Variants in BUD13 observed in about 807,000 individuals in gnomAD.
BUD13 encodes BUD13 homolog.
Under a neutral mutation model 62.5 loss-of-function variants are expected in BUD13, and 47 were observed. The ratio of observed to expected loss-of-function variants is 0.75; its 90% confidence interval spans 0.60 to 0.96. BUD13 has a LOEUF of 0.96. Among genes scored for constraint, BUD13 ranks in the 40% least tolerant of loss-of-function variants. The pLI is 0.00. For missense variants in BUD13, 821 were observed against 790.9 expected (o/e 1.04, Z -0.46); for synonymous variants, 293 against 280.1 (o/e 1.05, Z -0.46).
At chr11:116,759,211 A>T (rs1167955253) in intron 5 of BUD13, 32 bp from the exon 6 acceptor site, 2 of 1,511,892 alleles carry the variant, frequency 1.3e-6, no homozygotes, top group Admixed American at 3.3e-5. Context: ...ATCCAACATT[A>T]ATGAGATGAT....
chr11:116,761,460 T>G (rs960922156), intron 4 of BUD13, among the ~76,000 whole-genome samples: 1 of 152,182 alleles, frequency 6.6e-6, no homozygotes, highest in African/African-American at 2.4e-5. Context: ...TAAACATAAG[T>G]ATGGATGGCA....
chr11:116,759,811 GA>G (rs1278578740), intron 5 of BUD13, among the ~76,000 whole-genome samples: 1 of 152,136 alleles, frequency 6.6e-6, no homozygotes, highest in African/African-American at 2.4e-5. Context: ...TAAAAAAGAA[GA>G]ATCTCACTTC....
intron 9 of BUD13, 91 bp from the exon 10 acceptor site, chr11:116,748,666 G>C: frequency 7.8e-7 from 1 of 1,284,362 alleles, no homozygotes; most frequent in East Asian, 2.3e-5. Context: ...ATAATGAAAA[G>C]GGGGGAAAGT....
At chr11:116,770,052 G>A (rs1269325) in intron 2 of BUD13, 77 bp downstream of exon 2, 505,967 of 1,029,734 alleles carry the variant, frequency 0.49, 124,199 homozygotes, top group African/African-American at 0.59. Flanking sequence ...GCGAGACTCC[G>A]TCTCAAAAAA....
chr11:116,748,477 G>C lies in BUD13; in HGVS notation c.*5C>G. On this transcript the variant is annotated 3_prime_UTR_variant, in exon 10 of 10. Transcript: ENST00000260210. Reference sequence around the variant, plus strand: ...AGCCCAGCCACCCCCACAGCCTCAGGAAAGTTACATATCCTCAACACTCCA... The same window carrying C: ...AGCCCAGCCACCCCCACAGCCTCAGCAAAGTTACATATCCTCAACACTCCA... The C allele has an allele frequency of 6.2e-7, 1 of 1,614,096 alleles. No individual in the cohort carries two copies. Among genetic ancestry groups the C allele is most frequent in the South Asian group, 1.1e-5 (1 of 91,082 alleles).
In BUD13 at chr11:116,763,194, C is replaced by G. The variant is rs199861463; in HGVS notation, c.395G>C (p.Arg132Pro). The G allele has an allele frequency of 1.3e-5, 20 of 1,591,540 alleles. No homozygotes were observed. The highest frequency in any genetic ancestry group is 1.7e-5 in the Admixed American group (1 of 57,706). The change falls in exon 4 of 10, where the codon CGT (arginine) becomes CCT (proline). Residue 132 changes from arginine to proline, a missense_variant. Arg to Pro is a moderately radical substitution (Grantham distance 103). This residue lies in a region of BUD13 where 800 missense variants were observed against 739.2 expected (regional missense o/e 1.08). Transcript: ENST00000260210. ...AGGAGATGGATCTGGGGTACCATGA[C>G]GGACCCTCCTAGGAGATGAATCCGG... ...DTPDSSPRRV[R>P]HGTPDPSPRK...
chr11:116,759,039 A>T, intron 6 of BUD13, 35 bp downstream of exon 6: 9 of 1,399,706 alleles, frequency 6.4e-6, no homozygotes, highest in Admixed American at 3.7e-5. Flanking sequence ...AAACAGTATG[A>T]GCCTAAATTG....
Position 116,763,098 on chromosome 11 carries a change from G to A in BUD13, c.491C>T (p.Pro164Leu). ...RARHDTPDPS[P>L]LRGARHDSDT... ...TGAGTCATGACGAGCCCCTCTGAGG[G>A]GAGAAGGATCCGGGGTGTCATGACG... Residue 164 changes from proline (P) to leucine (L), a missense_variant, in exon 4 of 10, where the codon CCC becomes CTC. By Grantham distance (98) the Pro-to-Leu change is moderately conservative. Coordinates refer to ENST00000260210, the MANE Select transcript of BUD13 (RefSeq NM_032725.4). The A allele has an allele frequency of 6.3e-7, 1 of 1,581,960 alleles. No individual in the cohort carries two copies. Among genetic ancestry groups the A allele is most frequent in the Non-Finnish European group, 8.6e-7 (1 of 1,157,544 alleles).
chr11:116,770,056 CAAAAAAA>C, intron 2 of BUD13, 66 bp downstream of exon 2: 2 of 853,180 alleles, frequency 2.3e-6, no homozygotes, highest in Non-Finnish European at 3.3e-6. Flanking sequence ...GACTCCGTCT[CAAAAAAA>C]AAAAAAAAAA....
chr11:116,750,462 C>T (rs540741830), intron 9 of BUD13, among the ~76,000 whole-genome samples: 7 of 152,304 alleles, frequency 4.6e-5, no homozygotes, highest in South Asian at 2.1e-4. Context: ...CACTACACAA[C>T]GGAACTAGCC....
In BUD13 at chr11:116,766,778, T is replaced by C. The variant is rs1037671981; in HGVS notation, c.238-1332A>G. Among the ~76,000 whole-genome samples the C allele has an allele frequency of 3.3e-5, 5 of 152,226 alleles. No homozygotes were observed. In the East Asian group the frequency reaches 7.7e-4, roughly 23 times the overall value. ...TTATTACTGGTGGTGGTGGTGATCT[T>C]GCAGTTACAAAAATGAATTCAGTAA... is the stretch of plus-strand genomic sequence containing the variant. On this transcript the variant is annotated intron_variant, in intron 2 of 9. Coordinates refer to ENST00000260210, the MANE Select transcript of BUD13 (RefSeq NM_032725.4).
In BUD13 at chr11:116,748,461, AC is replaced by A. The variant is rs750413144; in HGVS notation, c.*20del. The A allele has an allele frequency of 7.6e-5, 123 of 1,611,246 alleles. No homozygotes were observed. Among genetic ancestry groups the A allele is most frequent in the Non-Finnish European group, 1.0e-4 (122 of 1,177,434 alleles). On this transcript the variant is annotated 3_prime_UTR_variant, in exon 10 of 10. Transcript: ENST00000260210. ...CTATGCCCACTACCACAGCCCAGCC[AC>A]CCCCACAGCCTCAGGAAAGTTACAT...
intron 2 of BUD13, among the ~76,000 whole-genome samples, chr11:116,768,389 T>C (rs1438503181): frequency 6.6e-6 from 1 of 152,198 alleles, no homozygotes; most frequent in East Asian, 1.9e-4. Context: ...CTATGTACAA[T>C]ATGATCCCAA....
chr11:116,771,812 A>C (rs1940632492), intron 1 of BUD13, among the ~76,000 whole-genome samples: 2 of 152,240 alleles, frequency 1.3e-5, no homozygotes, highest in Non-Finnish European at 2.9e-5. Context: ...TCAGTGCCTT[A>C]GGGTTACTGT....
Position 116,757,764 on chromosome 11 carries a change from A to G in BUD13, c.1684+2T>C, listed in dbSNP as rs1194212873. 1.2e-6 allele frequency: 2 copies of G among 1,605,428 alleles called. No homozygotes were observed. The highest frequency in any genetic ancestry group is 3.5e-5 in the Admixed American group (2 of 57,954). On this transcript the variant is annotated splice_donor_variant, in intron 8 of 9. Coordinates refer to ENST00000260210, the MANE Select transcript of BUD13 (RefSeq NM_032725.4). LOFTEE classifies it high-confidence loss of function. Reference sequence around the variant, plus strand: ...CCAGCTGATGATTCCCAGAAGTCCCACCTTTTTTATTCTTGTTCTCCTTGG... The same window carrying G: ...CCAGCTGATGATTCCCAGAAGTCCCGCCTTTTTTATTCTTGTTCTCCTTGG...
chr11:116,765,274 T>C lies in BUD13; in HGVS notation c.322+88A>G, dbSNP rs1441420596. On this transcript the variant is annotated intron_variant, in intron 3 of 9. Transcript: ENST00000260210. ...GGATCAATGACATGCTAAAACAAAC[T>C]ATGCATTCCTCTAAAGAAAAGTATA... 3.7e-6 allele frequency: 5 copies of C among 1,359,164 alleles called. No individual in the cohort carries two copies. In the African/African-American group the frequency reaches 7.3e-5, roughly 20 times the overall value. 84.2% of individuals were successfully genotyped at this position (1,359,164 alleles called of 1,614,324 possible). A position where few individuals can be genotyped will look rare whatever the true frequency, so the allele number is the denominator to read the frequency against.
At chr11:116,758,722 G>A (rs1940377108) in intron 6 of BUD13, among the ~76,000 whole-genome samples, 1 of 151,604 alleles carries the variant, frequency 6.6e-6, no homozygotes, top group Admixed American at 6.6e-5. Flanking sequence ...TGAGTAGCTG[G>A]GATTACAGGC....
At position 116,770,229 on chromosome 11, in the gene BUD13, G is replaced by A. The variant is rs1338459128; in HGVS notation, c.144-7C>T. 4 of 1,602,032 alleles carry A rather than the reference G, an allele frequency of 2.5e-6. No individual in the cohort carries two copies. In the Middle Eastern group the frequency reaches 5.0e-4, roughly 200 times the overall value. On this transcript the variant is annotated splice_polypyrimidine_tract_variant and splice_region_variant and intron_variant, in intron 1 of 9. Transcript: ENST00000260210. Reference sequence around the variant, plus strand: ...ATCATCCACAATCCGCATTCTAAATGAGAATAAGAAGATCAAAAAGAGTCA... The same window carrying A: ...ATCATCCACAATCCGCATTCTAAATAAGAATAAGAAGATCAAAAAGAGTCA...
intron 2 of BUD13, among the ~76,000 whole-genome samples, chr11:116,767,049 A>G (rs1341307251): frequency 1.3e-5 from 2 of 151,872 alleles, no homozygotes; most frequent in Non-Finnish European, 2.9e-5. Context: ...TTAGCTGGGC[A>G]TGGTGGCAGG....
Sources: gnomAD v4.1 joint callset for allele counts (sites outside exome capture counted in the v4.1 genomes callset) on GRCh38, gnomAD v4.1.1 for gene constraint, gnomAD v4.1.1 regional missense constraint, MANE v1.5 for transcripts, NCBI Gene and HGNC (gene_info 2026-07-23, HGNC 2026-07-21) for gene names.